The following ERICH6 variants were observed in gnomAD, a reference collection of about 807,000 sequenced individuals.
The protein encoded by ERICH6 is glutamate-rich protein 6.
Under a neutral mutation model 71.0 loss-of-function variants are expected in ERICH6, and 71 were observed. The observed-to-expected ratio is 1.00, with a 90% confidence interval of 0.83 to 1.22. ERICH6 has a LOEUF of 1.22. Among genes scored for constraint, ERICH6 ranks in the 50% most tolerant of loss-of-function variants. ERICH6 has a pLI of 0.00. For synonymous variants in ERICH6, 262 were observed against 278.4 expected, an observed-to-expected ratio of 0.94 and a Z score of 0.59; for missense variants, 808 against 797.2, an observed-to-expected ratio of 1.01 and a Z score of -0.16.
Position 150,678,547 on chromosome 3 carries a change from C to T in ERICH6, c.1119G>A (p.Lys373=), listed in dbSNP as rs1459913435. ...GTTGATAAGAAATTGTTTTTAAGCGCTTTGAATCTAGTGGGAAAAGAATCA... is the reference window on the plus strand; with the variant it reads ...GTTGATAAGAAATTGTTTTTAAGCGTTTTGAATCTAGTGGGAAAAGAATCA... ...EQTHFSEDDS[K]RLKTISYQLS... The change falls in exon 10 of 14, where the codon AAG becomes AAA. Residue 373 remains lysine, a synonymous_variant. Transcript: ENST00000295910. The T allele has an allele frequency of 1.3e-6, 2 of 1,593,372 alleles. No homozygotes were observed. Among genetic ancestry groups the T allele is most frequent in the Admixed American group, 1.9e-5 (1 of 53,804 alleles).
chr3:150,690,681 A>T (rs960752638), intron 3 of ERICH6, among the ~76,000 whole-genome samples: 4 of 152,204 alleles, frequency 2.6e-5, no homozygotes, highest in African/African-American at 9.6e-5. Context: ...GTAATATTAG[A>T]AATGTCTTAA....
At chr3:150,693,394 C>T (rs549093317) in intron 3 of ERICH6, among the ~76,000 whole-genome samples, 2 of 152,222 alleles carry the variant, frequency 1.3e-5, no homozygotes, top group South Asian at 2.1e-4. Context: ...CCATACAGTC[C>T]CTGTACAGGG....
At chr3:150,669,475 A>G in intron 11 of ERICH6, 24 bp from the exon 12 acceptor site, 1 of 1,608,790 alleles carries the variant, frequency 6.2e-7, no homozygotes, top group Non-Finnish European at 8.5e-7. Context: ...AGGTCATATA[A>G]ATTGTTCTAA....
At chr3:150,661,595 T>G (rs1727226392) in intron 13 of ERICH6, among the ~76,000 whole-genome samples, 1 of 152,212 alleles carries the variant, frequency 6.6e-6, no homozygotes, top group African/African-American at 2.4e-5. Flanking sequence ...AGTTAATATT[T>G]TCCGAGGGAC....
At chr3:150,694,367 G>A (rs1460762915) in intron 3 of ERICH6, among the ~76,000 whole-genome samples, 2 of 152,040 alleles carry the variant, frequency 1.3e-5, no homozygotes, top group African/African-American at 4.8e-5. Flanking sequence ...CATGCCACAA[G>A]GAAAAAATAA....
chr3:150,676,621 T>C (rs1011283627), intron 10 of ERICH6, among the ~76,000 whole-genome samples: 7 of 152,154 alleles, frequency 4.6e-5, no homozygotes, highest in African/African-American at 1.2e-4. Context: ...CTGGGTTTAC[T>C]GACAGCCCTT....
rs911579996 is a variant in ERICH6, at chr3:150,673,822, C to T, written c.1343+134G>A. ...TCTCAACCTTCTGAGCTCAAGTGAT[C>T]TGCCCACCTCAGCCTCCCAAAGTGC... is the stretch of plus-strand genomic sequence containing the variant. On this transcript the variant is annotated intron_variant, in intron 11 of 13. Transcript: ENST00000295910. 9 of 702,318 alleles carry T rather than the reference C, an allele frequency of 1.3e-5. No individual in the cohort carries two copies. The African/African-American group carries it at 1.5e-4, about 11-fold the overall frequency. The allele number at this position is 702,318 out of a possible 1,614,324, so 43.5% of individuals were successfully genotyped here. A position where few individuals can be genotyped will look rare whatever the true frequency, so the allele number is the denominator to read the frequency against.
intron 10 of ERICH6, among the ~76,000 whole-genome samples, chr3:150,674,940 C>G (rs902675741): frequency 1.3e-5 from 2 of 152,032 alleles, no homozygotes; most frequent in African/African-American, 4.8e-5. Flanking sequence ...CGAGACCAGC[C>G]TGGCCAACAT....
At chr3:150,666,372 G>T (rs1472435453) in intron 13 of ERICH6, among the ~76,000 whole-genome samples, 3 of 152,172 alleles carry the variant, frequency 2.0e-5, no homozygotes, top group African/African-American at 7.2e-5. Context: ...TGAAGGACTA[G>T]GAGGTCTGGG....
At chr3:150,690,008 GTCTT>G (rs1018836763) in intron 3 of ERICH6, among the ~76,000 whole-genome samples, 4 of 152,064 alleles carry the variant, frequency 2.6e-5, no homozygotes, top group Non-Finnish European at 4.4e-5. Context: ...ACTTATAAAT[GTCTT>G]TGTTTAAAAA....
intron 10 of ERICH6, among the ~76,000 whole-genome samples, chr3:150,677,861 T>C (rs1009196021): frequency 4.6e-5 from 7 of 152,154 alleles, no homozygotes; most frequent in Admixed American, 2.0e-4. Context: ...GATACAATTA[T>C]AAGTATGTTA....
intron 6 of ERICH6, among the ~76,000 whole-genome samples, chr3:150,685,449 G>C (rs1189558107): frequency 6.6e-6 from 1 of 152,140 alleles, no homozygotes; most frequent in Admixed American, 6.5e-5. Flanking sequence ...GAAGAGGGAA[G>C]GGAGGATTTT....
rs891650406 is a variant in ERICH6, at chr3:150,702,047, C to T, written c.461+74G>A. The T allele has an allele frequency of 5.1e-5, 54 of 1,051,200 alleles. No homozygotes were observed. The African/African-American group carries it at 7.2e-4, about 14-fold the overall frequency. 65.1% of individuals were successfully genotyped at this position (1,051,200 alleles called of 1,614,324 possible). A position where few individuals can be genotyped will look rare whatever the true frequency, so the allele number is the denominator to read the frequency against. Reference sequence around the variant, plus strand: ...AAATGCCCTGGATTATTTTACTCTACTTCCTAACATGTTTATCCAAAAGGT... The same window carrying T: ...AAATGCCCTGGATTATTTTACTCTATTTCCTAACATGTTTATCCAAAAGGT... On this transcript the variant is annotated intron_variant, in intron 2 of 13. Transcript: ENST00000295910.
chr3:150,702,920 G>GAGAGAGAGAGAGGGAGAGAGAA (rs1576567016), intron 1 of ERICH6, among the ~76,000 whole-genome samples: 1 of 118,524 alleles, frequency 8.4e-6, no homozygotes, highest in African/African-American at 3.1e-5. Context: ...GTGTGTCTGT[G>GAGAGAGAGAGAGGGAGAGAGAA]AGAGAGAGAG....
At chr3:150,667,711 C>G (rs1727476997) in intron 12 of ERICH6, among the ~76,000 whole-genome samples, 1 of 152,184 alleles carries the variant, frequency 6.6e-6, no homozygotes, top group Non-Finnish European at 1.5e-5. Flanking sequence ...ATTCAGTTAT[C>G]TCCTTCTCAT....
intron 10 of ERICH6, among the ~76,000 whole-genome samples, chr3:150,675,925 T>TC (rs1422456008): frequency 6.6e-6 from 1 of 151,662 alleles, no homozygotes; most frequent in Non-Finnish European, 1.5e-5. Context: ...TTTTTTTTTT[T>TC]CTCATACTGC....
intron 2 of ERICH6, among the ~76,000 whole-genome samples, chr3:150,701,463 A>G (rs186584791): frequency 6.6e-6 from 1 of 152,266 alleles, no homozygotes; most frequent in African/African-American, 2.4e-5. Flanking sequence ...GTGTAGTTTG[A>G]TTTTTTTAAC....
intron 13 of ERICH6, among the ~76,000 whole-genome samples, chr3:150,664,312 C>A (rs1576545520): frequency 6.6e-6 from 1 of 152,056 alleles, no homozygotes; most frequent in Non-Finnish European, 1.5e-5. Flanking sequence ...CCCCCATCAA[C>A]AATATAATCT....
intron 10 of ERICH6, among the ~76,000 whole-genome samples, chr3:150,674,883 A>C (rs932672797): frequency 3.3e-5 from 5 of 151,928 alleles, no homozygotes; most frequent in Admixed American, 1.3e-4. Context: ...CCATAATCCC[A>C]GTACTTTGGG....
Sources: allele counts gnomAD v4.1 joint callset (sites outside exome capture counted in the v4.1 genomes callset), GRCh38; gene constraint gnomAD v4.1.1; transcripts MANE v1.5; gene names NCBI Gene and HGNC (gene_info 2026-07-23, HGNC 2026-07-21).